Variants in ACBD6 observed in about 807,000 individuals in gnomAD.
ACBD6 encodes the protein acyl-CoA binding domain containing 6.
In ACBD6, 28 loss-of-function variants were observed where a neutral mutation model predicts 37.2. That is an observed-to-expected ratio of 0.75 (90% confidence interval 0.56 to 1.03). The LOEUF is 1.03. ACBD6 is among the 50% of genes least tolerant of loss of function. The probability of loss-of-function intolerance (pLI) is 0.00; values close to 1 mark genes in which losing one functional copy is unlikely to be tolerated. For synonymous variants in ACBD6, 113 were observed against 126.8 expected (o/e 0.89, Z 0.73); for missense variants, 340 against 337.4 (o/e 1.01, Z -0.06).
chr1:180,468,571 A>G (rs893981044), intron 3 of ACBD6, among the ~76,000 whole-genome samples: 3 of 152,184 alleles, frequency 2.0e-5, no homozygotes, highest in Non-Finnish European at 4.4e-5. Context: ...TTTCTTGATT[A>G]TTAGTGAGGT....
intron 3 of ACBD6, among the ~76,000 whole-genome samples, chr1:180,448,510 G>T (rs1319218820): frequency 2.0e-5 from 3 of 151,888 alleles, no homozygotes; most frequent in South Asian, 2.1e-4. Flanking sequence ...TTTTCCTTTT[G>T]TCTTTATTGT....
intron 8 of ACBD6, among the ~76,000 whole-genome samples, chr1:180,281,872 A>T (rs1649324950): frequency 6.6e-6 from 1 of 152,238 alleles, no homozygotes; most frequent in African/African-American, 2.4e-5. Context: ...GAAACTATTA[A>T]ATAAAGGTCT....
At chr1:180,271,771 G>A in exon 14 of ACBD6, 2 of 1,582,548 alleles carry the variant, frequency 1.3e-6, no homozygotes, top group African/African-American at 1.3e-5. Context: ...CGCCTAGGGG[G>A]TCCTGGGGGC....
chr1:180,409,894 ACTGAAAAC>A (rs1647786899), intron 5 of ACBD6, among the ~76,000 whole-genome samples: 1 of 152,246 alleles, frequency 6.6e-6, no homozygotes. Context: ...AGGAAGGCAT[ACTGAAAAC>A]CAACACAGGC....
At chr1:180,337,744 T>G (rs1278326982) in intron 6 of ACBD6, among the ~76,000 whole-genome samples, 3 of 152,160 alleles carry the variant, frequency 2.0e-5, no homozygotes, top group African/African-American at 7.2e-5. Context: ...TGATTGTATA[T>G]CTAGAAAACC....
At chr1:180,280,233 A>G (rs1050403032) in intron 9 of ACBD6, among the ~76,000 whole-genome samples, 1 of 152,120 alleles carries the variant, frequency 6.6e-6, no homozygotes, top group African/African-American at 2.4e-5. Flanking sequence ...GTTATCCTGG[A>G]ATACTTGGTG....
At chr1:180,367,739 G>A (rs528903181) in intron 6 of ACBD6, among the ~76,000 whole-genome samples, 1 of 152,204 alleles carries the variant, frequency 6.6e-6, no homozygotes, top group Non-Finnish European at 1.5e-5. Context: ...TTTTATGGCT[G>A]CATAGTATTC....
intron 7 of ACBD6, among the ~76,000 whole-genome samples, chr1:180,289,038 T>A (rs1429224507): frequency 3.1e-3 from 320 of 102,590 alleles, no homozygotes; most frequent in African/African-American, 3.8e-3. Flanking sequence ...CTACAGGAAC[T>A]AAAAAAAAAA....
In ACBD6 at chr1:180,314,614, T is replaced by C. The variant is rs1650727063; in HGVS notation, c.694+78A>G. 6 of 1,231,718 alleles carry C rather than the reference T, an allele frequency of 4.9e-6. No individual in the cohort carries two copies. In the Admixed American group the frequency reaches 5.4e-5, roughly 11 times the overall value. 76.3% of individuals were successfully genotyped at this position (1,231,718 alleles called of 1,614,324 possible). A position where few individuals can be genotyped will look rare whatever the true frequency, so the allele number is the denominator to read the frequency against. The stretch of plus-strand genomic sequence containing the variant: ...GCCAGGTACCTATCTAAGCACTATA[T>C]AGGAATGGACAAAGTTGAAATAAAC... On this transcript the variant is annotated intron_variant, in intron 7 of 7. Coordinates refer to ENST00000367595, the MANE Select transcript of ACBD6 (RefSeq NM_032360.4).
chr1:180,492,086 G>A (rs1651527141), intron 3 of ACBD6, among the ~76,000 whole-genome samples, 183 bp downstream of exon 3: 1 of 152,114 alleles, frequency 6.6e-6, no homozygotes, highest in African/African-American at 2.4e-5. Flanking sequence ...TGGGATTACA[G>A]GTATGAGCCA....
intron 6 of ACBD6, among the ~76,000 whole-genome samples, chr1:180,340,601 A>G (rs1043733273): frequency 2.6e-5 from 4 of 152,048 alleles, no homozygotes; most frequent in Admixed American, 1.3e-4. Context: ...CCTGATGGAA[A>G]TCTACACAGA....
intron 6 of ACBD6, among the ~76,000 whole-genome samples, chr1:180,376,038 T>C (rs187373045): frequency 6.2e-4 from 94 of 152,138 alleles, no homozygotes; most frequent in Middle Eastern, 3.4e-3. Context: ...GAACAGATAG[T>C]TCACCAAAAC....
At chr1:180,300,212 C>T (rs745437138) in intron 7 of ACBD6, among the ~76,000 whole-genome samples, 2 of 152,086 alleles carry the variant, frequency 1.3e-5, no homozygotes, top group African/African-American at 4.8e-5. Flanking sequence ...CTGGATTTAA[C>T]GATACTTATA....
chr1:180,463,215 A>G (rs898280314), intron 3 of ACBD6, among the ~76,000 whole-genome samples: 5 of 152,188 alleles, frequency 3.3e-5, no homozygotes, highest in Non-Finnish European at 5.9e-5. Flanking sequence ...TCAAGAAATC[A>G]CCAAAATCAG....
intron 5 of ACBD6, among the ~76,000 whole-genome samples, chr1:180,408,939 T>C (rs1156690589): frequency 2.6e-4 from 39 of 152,014 alleles, no homozygotes; most frequent in Admixed American, 2.6e-3. Flanking sequence ...GGCTGATTAC[T>C]AAAGCTCAGG....
intron 3 of ACBD6, among the ~76,000 whole-genome samples, chr1:180,453,692 A>G (rs1649801383): frequency 6.6e-6 from 1 of 152,256 alleles, no homozygotes; most frequent in Admixed American, 6.5e-5. Context: ...AAGCAACTTC[A>G]GCAAAGTCTC....
At chr1:180,387,027 G>A (rs1446031250) in intron 6 of ACBD6, among the ~76,000 whole-genome samples, 3 of 152,092 alleles carry the variant, frequency 2.0e-5, no homozygotes, top group Non-Finnish European at 4.4e-5. Flanking sequence ...TTAGCAGGCA[G>A]TTTCTCTATT....
chr1:180,432,621 C>T (rs1305537475), intron 3 of ACBD6, among the ~76,000 whole-genome samples: 1 of 151,970 alleles, frequency 6.6e-6, no homozygotes, highest in Non-Finnish European at 1.5e-5. Context: ...GCAAATGATA[C>T]ACCCATAAAA....
Position 180,435,376 on chromosome 1 carries a change from G to A in ACBD6, c.385-5114C>T, listed in dbSNP as rs539269663. 1.9e-3 allele frequency: 772 copies of A among 399,114 alleles called. 2 individuals are homozygous for A. Among genetic ancestry groups the A allele is most frequent in the Non-Finnish European group, 3.0e-3 (641 of 216,446 alleles). The allele number at this position is 399,114 out of a possible 1,614,324, so 24.7% of individuals were successfully genotyped here. On this transcript the variant is annotated intron_variant, in intron 3 of 7. Transcript: ENST00000367595. ...CCATTCTCCTGCCTCAGCCTCCCAA[G>A]TAACTGGGACTACAGGCGCCCGCCA...
Sources: allele counts gnomAD v4.1 joint callset (sites outside exome capture counted in the v4.1 genomes callset), GRCh38; gene constraint gnomAD v4.1.1; transcripts MANE v1.5; gene names NCBI Gene and HGNC (gene_info 2026-07-23, HGNC 2026-07-21).